LRP5: variants seen among roughly 807,000 people sequenced by gnomAD.
The protein encoded by LRP5 is LDL receptor related protein 5, also known as low-density lipoprotein receptor-related protein 5.
Under a neutral mutation model 154.1 loss-of-function variants are expected in LRP5, and 62 were observed. The observed-to-expected ratio is 0.40, with a 90% CI of 0.33 to 0.50. LRP5 has a LOEUF of 0.50. LRP5 is among the 20% of genes least tolerant of loss of function. LRP5 has a pLI of 0.55. For missense variants in LRP5, 1,915 were observed against 2,336.7 expected (o/e 0.82, Z 3.72); for synonymous variants, 966 against 1,011.5 (o/e 0.96, Z 0.85).
At chr11:68,310,754 C>CAAAAA (rs756320384), upstream of LRP5, among the ~76,000 whole-genome samples, 5 of 63,964 alleles carry the variant, frequency 7.8e-5, no homozygotes, top group East Asian at 2.8e-3. Context: ...GACCCTGTCT[C>CAAAAA]AAAAAAAAAA....
chr11:68,436,520 G>A (rs2098675009), intron 18 of LRP5, among the ~76,000 whole-genome samples: 1 of 151,830 alleles, frequency 6.6e-6, no homozygotes, highest in Admixed American at 6.6e-5. Flanking sequence ...CGGGAGGCGA[G>A]GCTCCTCGTG....
intron 7 of LRP5, among the ~76,000 whole-genome samples, chr11:68,393,597 A>G (rs2098647596): frequency 6.6e-6 from 1 of 152,118 alleles, no homozygotes; most frequent in Non-Finnish European, 1.5e-5. Context: ...CCTGGCCAAC[A>G]TGGTGTAACC....
At chr11:68,308,140 G>A (rs538103882), upstream of LRP5, among the ~76,000 whole-genome samples, 12 of 152,372 alleles carry the variant, frequency 7.9e-5, no homozygotes, top group African/African-American at 2.6e-4. Flanking sequence ...CCTGAGGAAT[G>A]AGCCTGGCAG....
intron 13 of LRP5, among the ~76,000 whole-genome samples, chr11:68,422,425 G>A (rs887262130): frequency 6.6e-6 from 1 of 152,138 alleles, no homozygotes; most frequent in Non-Finnish European, 1.5e-5. Flanking sequence ...CAAATCACTC[G>A]GGAACTTGGA....
At chr11:68,410,205 A>C in intron 10 of LRP5, 65 bp downstream of exon 10, 5 of 1,347,642 alleles carry the variant, frequency 3.7e-6, no homozygotes, top group Non-Finnish European at 5.2e-6. Context: ...GGGGGTGCCA[A>C]CTGGGCAAGG....
At chr11:68,389,198 A>AT (rs2098644801) in intron 6 of LRP5, among the ~76,000 whole-genome samples, 2 of 1,248 alleles carry the variant, frequency 1.6e-3, no homozygotes, top group Non-Finnish European at 5.1e-3. Flanking sequence ...ATTTACCAAC[A>AT]CTGACATCTA....
chr11:68,434,862 T>C (rs1170019851), intron 18 of LRP5, among the ~76,000 whole-genome samples: 1 of 152,196 alleles, frequency 6.6e-6, no homozygotes, highest in Non-Finnish European at 1.5e-5. Flanking sequence ...GAGCAGACAT[T>C]TCGTAGAAGA....
At chr11:68,380,663 C>T (rs550517937) in intron 5 of LRP5, among the ~76,000 whole-genome samples, 7 of 152,296 alleles carry the variant, frequency 4.6e-5, no homozygotes, top group East Asian at 3.9e-4. Flanking sequence ...CGGAGCTGCA[C>T]GCAGTGGGGC....
At chr11:68,364,222 G>A (rs2098629642) in intron 4 of LRP5, among the ~76,000 whole-genome samples, 1 of 151,970 alleles carries the variant, frequency 6.6e-6, no homozygotes, top group Non-Finnish European at 1.5e-5. Context: ...CTCAGCAGTG[G>A]CAAGGGGATT....
upstream of LRP5, among the ~76,000 whole-genome samples, chr11:68,308,451 G>A (rs953073545): frequency 3.0e-4 from 45 of 152,298 alleles, no homozygotes; most frequent in Non-Finnish European, 5.6e-4. Context: ...TCTAAGGAAC[G>A]AACTGAGAGT....
chr11:68,376,171 C>CTTTTT (rs60401481), intron 5 of LRP5, among the ~76,000 whole-genome samples: 8 of 92,824 alleles, frequency 8.6e-5, no homozygotes, highest in Non-Finnish European at 8.2e-5. Flanking sequence ...GGCCCTGCTT[C>CTTTTT]TTTTTTTTTT....
chr11:68,419,104 G>T (rs2098664112), intron 13 of LRP5, among the ~76,000 whole-genome samples: 1 of 152,110 alleles, frequency 6.6e-6, no homozygotes, highest in Admixed American at 6.5e-5. Flanking sequence ...TTTATTAGGA[G>T]TCCCCCTGCT....
intron 21 of LRP5, among the ~76,000 whole-genome samples, chr11:68,442,717 G>T (rs988906562): frequency 6.6e-6 from 1 of 152,228 alleles, no homozygotes; most frequent in Non-Finnish European, 1.5e-5. Context: ...CCTGCCTAGA[G>T]CTCTACCGTA....
chr11:68,437,831 C>T (rs1207999398), intron 19 of LRP5, among the ~76,000 whole-genome samples: 2 of 152,258 alleles, frequency 1.3e-5, no homozygotes, highest in Non-Finnish European at 2.9e-5. Flanking sequence ...CCGTGGGCCC[C>T]AGCTGTGGGG....
At chr11:68,398,700 CAA>C (rs547295292) in intron 7 of LRP5, among the ~76,000 whole-genome samples, 14 of 140,450 alleles carry the variant, frequency 1.0e-4, no homozygotes, top group African/African-American at 3.4e-4. Flanking sequence ...ATATGGAATT[CAA>C]AAAAAAAAAA....
chr11:68,420,494 CAG>C (rs539436929), intron 13 of LRP5, among the ~76,000 whole-genome samples: 95 of 152,128 alleles, frequency 6.2e-4, no homozygotes, highest in African/African-American at 1.3e-3. Flanking sequence ...CACTTGAGGT[CAG>C]GAGTTTGAGA....
At chr11:68,422,496 G>T (rs2098666350) in intron 13 of LRP5, among the ~76,000 whole-genome samples, 1 of 152,154 alleles carries the variant, frequency 6.6e-6, no homozygotes, top group African/African-American at 2.4e-5. Flanking sequence ...AGGCTTCTGG[G>T]CTGTCCTCTC....
intron 2 of LRP5, 63 bp downstream of exon 2, chr11:68,348,306 A>T (rs1048221240): frequency 2.1e-5 from 33 of 1,587,908 alleles, no homozygotes; most frequent in Non-Finnish European, 2.5e-5. Flanking sequence ...CTCTCTCTCG[A>T]ATTTGCATGA....
At chr11:68,299,537 G>C in the LRP5 span, among the ~76,000 whole-genome samples, 1 of 151,254 alleles carries the variant, frequency 6.6e-6, no homozygotes, top group Non-Finnish European at 1.5e-5. Context: ...AGACGGGGGT[G>C]TAGAGTGCTC....
Sources: allele counts gnomAD v4.1 joint callset (sites outside exome capture counted in the v4.1 genomes callset), GRCh38; gene constraint gnomAD v4.1.1; transcripts MANE v1.5; gene names NCBI Gene and HGNC (gene_info 2026-07-23, HGNC 2026-07-21).